The following TEK variants were observed in gnomAD, a reference collection of about 807,000 sequenced individuals.
TEK encodes the protein angiopoietin-1 receptor.
In TEK, 43 loss-of-function variants were observed where a neutral mutation model predicts 131.8. The observed-to-expected ratio is 0.33, with a 90% CI of 0.26 to 0.42. The LOEUF (loss-of-function observed/expected upper bound fraction) is 0.42. Ranked by LOEUF, TEK falls within the 10% of genes least tolerant of loss-of-function variation. TEK has a pLI of 1.00. For missense variants in TEK, 1,162 were observed against 1,384.4 expected (o/e 0.84, Z 2.55); for synonymous variants, 580 against 491.6 (o/e 1.18, Z -2.38).
intron 1 of TEK, among the ~76,000 whole-genome samples, chr9:27,151,695 C>T (rs145539037): frequency 6.6e-6 from 1 of 152,274 alleles, no homozygotes; most frequent in African/African-American, 2.4e-5. Context: ...CTGTCTCCTA[C>T]ATTTGCCTAT....
In TEK at chr9:27,197,427, GAGA is replaced by G; in HGVS notation, c.1740_1742del (p.Arg581del). The G allele has an allele frequency of 6.2e-7, 1 of 1,614,140 alleles. No individual in the cohort carries two copies. Among genetic ancestry groups the G allele is most frequent in the Non-Finnish European group, 8.5e-7 (1 of 1,180,010 alleles). On this transcript the variant is annotated inframe_deletion, in exon 12 of 23. Coordinates refer to ENST00000380036, the MANE Select transcript of TEK (RefSeq NM_000459.5). ...AAGATGACTTTTATGTTGAAGTGGAGAGAAGGTCTGTGCAAAAAAGTGATCAGC... is the reference window on the plus strand; with the variant it reads ...AAGATGACTTTTATGTTGAAGTGGAGAGGTCTGTGCAAAAAAGTGATCAGC...
intron 15 of TEK, among the ~76,000 whole-genome samples, chr9:27,207,665 T>C (rs986952596): frequency 1.3e-5 from 2 of 152,194 alleles, no homozygotes; most frequent in Non-Finnish European, 2.9e-5. Context: ...GCTTGGAATG[T>C]GGTGCATTAA....
chr9:27,130,829 G>A (rs1354130956), intron 1 of TEK, among the ~76,000 whole-genome samples: 1 of 151,810 alleles, frequency 6.6e-6, no homozygotes, highest in Non-Finnish European at 1.5e-5. Flanking sequence ...GCCTCCCAGA[G>A]TGTTGGGATT....
In TEK at chr9:27,229,239, A is replaced by G. The variant is rs1203062292; in HGVS notation, c.*7A>G. The G allele has an allele frequency of 2.5e-6, 4 of 1,613,492 alleles. No homozygotes were observed. The highest frequency in any genetic ancestry group is 2.5e-6 in the Non-Finnish European group (3 of 1,179,458). ...TGCTGAAGAAGCGGCCTAGGACAGA[A>G]CATCTGTATACCCTCTGTTTCCCTT... On this transcript the variant is annotated 3_prime_UTR_variant, in exon 23 of 23. Coordinates refer to ENST00000380036, the MANE Select transcript of TEK (RefSeq NM_000459.5).
intron 14 of TEK, 87 bp from the exon 15 acceptor site, chr9:27,206,495 C>G (rs1825404978): frequency 1.5e-6 from 2 of 1,357,338 alleles, no homozygotes; most frequent in Admixed American, 2.0e-5. Context: ...CTTTTTTCAT[C>G]TGGTGTGGAT....
Position 27,109,243 on chromosome 9 carries a change from A to G in TEK, c.-348A>G, listed in dbSNP as rs1227847246. ...AAAATTCCTCTGCCCCTACAGCAGC[A>G]GCAAAAGCAGCAGCAGAAGCAACAG... is the stretch of plus-strand genomic sequence containing the variant. On this transcript the variant is annotated 5_prime_UTR_variant, in exon 1 of 23. Transcript: ENST00000380036. 2.4e-5 allele frequency: 13 copies of G among 531,376 alleles called. No homozygotes were observed. The South Asian group carries it at 4.3e-4, about 17-fold the overall frequency. 32.9% of individuals were successfully genotyped at this position (531,376 alleles called of 1,614,324 possible). A position where few individuals can be genotyped will look rare whatever the true frequency, so the allele number is the denominator to read the frequency against.
At chr9:27,153,375 G>T (rs570753890) in intron 1 of TEK, among the ~76,000 whole-genome samples, 1 of 152,198 alleles carries the variant, frequency 6.6e-6, no homozygotes, top group African/African-American at 2.4e-5. Flanking sequence ...TTTTGAACCC[G>T]GGAGGCGGAA....
intron 13 of TEK, among the ~76,000 whole-genome samples, 178 bp from the exon 14 acceptor site, chr9:27,204,733 G>C (rs888840037): frequency 5.3e-5 from 8 of 151,082 alleles, no homozygotes; most frequent in Non-Finnish European, 1.2e-4. Context: ...CTGTGAGTCA[G>C]ACTCATCTCC....
intron 1 of TEK, among the ~76,000 whole-genome samples, chr9:27,114,078 C>A (rs964047154): frequency 5.9e-5 from 9 of 152,194 alleles, no homozygotes; most frequent in African/African-American, 1.9e-4. Flanking sequence ...CTTTGGGCAG[C>A]CAGATTTAGC....
At chr9:27,168,348 CG>C in intron 2 of TEK, 146 bp from the exon 3 acceptor site, 4 of 676,660 alleles carry the variant, frequency 5.9e-6, no homozygotes. Context: ...AAGGTTAAAA[CG>C]CATTAGCCAC....
intron 1 of TEK, among the ~76,000 whole-genome samples, chr9:27,144,188 A>C (rs1479606177): frequency 6.6e-6 from 1 of 152,174 alleles, no homozygotes. Flanking sequence ...AGGCTGAGGC[A>C]TGAGAATCGC....
rs187839952 is a variant in TEK, at chr9:27,188,437, T to C, written c.1328-2092T>C. On this transcript the variant is annotated intron_variant, in intron 9 of 22. Coordinates refer to ENST00000380036, the MANE Select transcript of TEK (RefSeq NM_000459.5). ...GCCTTTGTAGCAATTTTTAAACCCT[T>C]GTAGAAGTATCACAGACTGACATTA... 2.6e-3 allele frequency among the ~76,000 whole-genome samples: 401 copies of C among 152,294 alleles called. 2 individuals are homozygous for C. The highest frequency in any genetic ancestry group is 4.3e-3 in the Non-Finnish European group (292 of 68,006).
rs1824544109 is a variant in TEK at position 27,185,012 on chromosome 9, A to T, written c.1183-473A>T. On this transcript the variant is annotated intron_variant, in intron 8 of 22. Coordinates refer to ENST00000380036, the MANE Select transcript of TEK (RefSeq NM_000459.5). ...GATCACTCAACTGCACTCCAGCCTGAGCCAAGGAACAAGACTTTGTTGTCT... is the reference window on the plus strand; with the variant it reads ...GATCACTCAACTGCACTCCAGCCTGTGCCAAGGAACAAGACTTTGTTGTCT... 1.3e-5 allele frequency among the ~76,000 whole-genome samples: 2 copies of T among 151,400 alleles called. 1 individual carries two copies. The highest frequency in any genetic ancestry group is 4.2e-4 in the South Asian group (2 of 4,776).
chr9:27,179,542 T>C (rs572119044), intron 6 of TEK, among the ~76,000 whole-genome samples: 265 of 152,338 alleles, frequency 1.7e-3, no homozygotes, highest in Admixed American at 5.4e-3. Context: ...ATGGAGACTC[T>C]GGAATATGAT....
At position 27,228,077 on chromosome 9, in the gene TEK, T is replaced by C. The variant is rs1011353555; in HGVS notation, c.3201-129T>C. On this transcript the variant is annotated intron_variant, in intron 21 of 22. Coordinates refer to ENST00000380036, the MANE Select transcript of TEK (RefSeq NM_000459.5). ...GGTGGGAGTCCTCATAGAAACTTCC[T>C]AGGGGCTGTACTTTGGTTAAGCTTC... is the stretch of plus-strand genomic sequence containing the variant. 3.2e-5 allele frequency: 22 copies of C among 680,050 alleles called. No homozygotes were observed. In the Admixed American group the frequency reaches 4.7e-4, roughly 14 times the overall value. The allele number at this position is 680,050 out of a possible 1,614,324, so 42.1% of individuals were successfully genotyped here.
At chr9:27,125,193 C>A (rs893373161) in intron 1 of TEK, among the ~76,000 whole-genome samples, 1 of 152,236 alleles carries the variant, frequency 6.6e-6, no homozygotes, top group Non-Finnish European at 1.5e-5. Context: ...ACAACAGCTG[C>A]AGAAGCTCAG....
At position 27,185,521 on chromosome 9, in the gene TEK, G is replaced by A; in HGVS notation, c.1219G>A (p.Ala407Thr). The A allele has an allele frequency of 6.2e-7, 1 of 1,613,656 alleles. No individual in the cohort carries two copies. The highest frequency in any genetic ancestry group is 8.5e-7 in the Non-Finnish European group (1 of 1,179,750). Residue 407 changes from alanine (A) to threonine (T), a missense_variant, in exon 9 of 23, where the codon GCC (alanine) becomes ACC (threonine). This residue lies in a region of TEK where 436 missense variants were observed against 539.1 expected (regional missense o/e 0.81). Transcript: ENST00000380036. ...DFNHTDHFSV[A>T]IFTIHRILPP... Reference sequence around the variant, plus strand: ...TAACCATACGGATCATTTCTCAGTAGCCATATTCACCATCCACCGGATCCT... The same window carrying A: ...TAACCATACGGATCATTTCTCAGTAACCATATTCACCATCCACCGGATCCT...
chr9:27,133,473 C>T (rs1372945350), intron 1 of TEK, among the ~76,000 whole-genome samples: 2 of 152,158 alleles, frequency 1.3e-5, no homozygotes, highest in Non-Finnish European at 1.5e-5. Flanking sequence ...TTTTGATGCC[C>T]TCTACAATCT....
chr9:27,172,897 C>T, intron 5 of TEK, 150 bp downstream of exon 5: 1 of 1,140,598 alleles, frequency 8.8e-7, no homozygotes, highest in Non-Finnish European at 1.3e-6. Flanking sequence ...AAAAAGGTGC[C>T]TTTTCCTAAA....
Sources: gnomAD v4.1 joint callset for allele counts (sites outside exome capture counted in the v4.1 genomes callset) on GRCh38, gnomAD v4.1.1 for gene constraint, gnomAD v4.1.1 regional missense constraint, MANE v1.5 for transcripts, NCBI Gene and HGNC (gene_info 2026-07-23, HGNC 2026-07-21) for gene names.